The following VRK2 variants were observed in gnomAD, a reference collection of about 807,000 sequenced individuals.
The protein encoded by VRK2 is serine/threonine-protein kinase VRK2.
In VRK2, 60 loss-of-function variants were observed where a neutral mutation model predicts 57.6. The observed-to-expected ratio is 1.04, with a 90% CI of 0.85 to 1.29. VRK2 has a LOEUF of 1.29. Ranked by LOEUF, VRK2 falls within the 50% of genes most tolerant of loss-of-function variation. The pLI, the probability that VRK2 is intolerant of heterozygous loss-of-function variation, is 0.00. For missense variants in VRK2, 705 were observed against 588.1 expected (o/e 1.20, Z -2.06); for synonymous variants, 231 against 199.2 (o/e 1.16, Z -1.35).
At chr2:57,931,594 T>G (rs1006671592) in intron 1 of VRK2, among the ~76,000 whole-genome samples, 1 of 152,196 alleles carries the variant, frequency 6.6e-6, no homozygotes, top group Non-Finnish European at 1.5e-5. Flanking sequence ...TGACTGTTAT[T>G]TTGCTGTGCA....
intron 7 of VRK2, among the ~76,000 whole-genome samples, chr2:58,111,541 C>T (rs1180969382): frequency 6.6e-6 from 1 of 152,102 alleles, no homozygotes; most frequent in African/African-American, 2.4e-5. Flanking sequence ...TGCTTGAGCC[C>T]AGGAGTTCAA....
At chr2:58,045,146 T>C (rs1218021133), upstream of VRK2, among the ~76,000 whole-genome samples, 1 of 152,236 alleles carries the variant, frequency 6.6e-6, no homozygotes, top group African/African-American at 2.4e-5. Flanking sequence ...TTAAGGATCA[T>C]GTGGCTGCTT....
At chr2:58,101,641 A>T (rs1673983148) in intron 7 of VRK2, among the ~76,000 whole-genome samples, 1 of 151,590 alleles carries the variant, frequency 6.6e-6, no homozygotes, top group Admixed American at 6.6e-5. Flanking sequence ...CTATAAATCC[A>T]GCAGCCTAGA....
intron 3 of VRK2, among the ~76,000 whole-genome samples, chr2:58,035,867 A>T (rs1319893057): frequency 6.6e-6 from 1 of 152,052 alleles, no homozygotes; most frequent in Non-Finnish European, 1.5e-5. Context: ...ATTTGGGTAT[A>T]AAATGAGATT....
At chr2:58,109,239 G>A (rs1675203762) in intron 7 of VRK2, among the ~76,000 whole-genome samples, 1 of 152,086 alleles carries the variant, frequency 6.6e-6, no homozygotes, top group Non-Finnish European at 1.5e-5. Flanking sequence ...ATACAAAAAT[G>A]TATATATGAC....
intron 2 of VRK2, among the ~76,000 whole-genome samples, chr2:58,063,512 A>G (rs929401760): frequency 3.3e-5 from 5 of 152,048 alleles, no homozygotes; most frequent in African/African-American, 1.2e-4. Flanking sequence ...TTGCATGAAT[A>G]ATAGAGTTTA....
At position 57,918,780 on chromosome 2, in the gene VRK2, T is replaced by C. The variant is rs955706376; in HGVS notation, c.-439+10941T>C. 3.3e-5 allele frequency among the ~76,000 whole-genome samples: 5 copies of C among 152,140 alleles called. No individual in the cohort carries two copies. In the East Asian group the frequency reaches 5.8e-4, roughly 18 times the overall value. ...GAGTTAAGTAATCCAAAGGCATCTATTGAACTTTATAATCATGCTCTGAAA... is the reference window on the plus strand; with the variant it reads ...GAGTTAAGTAATCCAAAGGCATCTACTGAACTTTATAATCATGCTCTGAAA... On this transcript the variant is annotated intron_variant, in intron 1 of 15. Coordinates refer to the VRK2 transcript ENST00000417641.
At chr2:58,069,216 C>T (rs768013100) in intron 2 of VRK2, among the ~76,000 whole-genome samples, 15 of 152,094 alleles carry the variant, frequency 9.9e-5, no homozygotes, top group Non-Finnish European at 1.8e-4. Context: ...TTTAACAGGT[C>T]TGTGTTTGGG....
At chr2:58,007,419 C>G (rs1233667260) in intron 1 of VRK2, among the ~76,000 whole-genome samples, 2 of 151,856 alleles carry the variant, frequency 1.3e-5, no homozygotes, top group Non-Finnish European at 2.9e-5. Flanking sequence ...CCTCTTCCAG[C>G]CCGAGACAGC....
chr2:58,028,500 T>C (rs2103689589), intron 2 of VRK2: 1 of 152,262 alleles, frequency 6.6e-6, no homozygotes. Context: ...CTGGGTCAAA[T>C]GGTATTTCTA....
intron 2 of VRK2, among the ~76,000 whole-genome samples, chr2:58,059,754 T>C (rs1677057487): frequency 6.6e-6 from 1 of 151,782 alleles, no homozygotes; most frequent in African/African-American, 2.4e-5. Context: ...TGGTAAACCT[T>C]TGGGTGTTTA....
intron 1 of VRK2, among the ~76,000 whole-genome samples, chr2:57,952,777 A>G (rs72808473): frequency 0.12 from 18,187 of 151,440 alleles, 1,155 homozygotes; most frequent in East Asian, 0.19. Context: ...GAGGGATGTC[A>G]AATATTGCAT....
intron 1 of VRK2, among the ~76,000 whole-genome samples, chr2:57,980,940 T>C (rs1417748961): frequency 6.6e-6 from 1 of 152,176 alleles, no homozygotes; most frequent in Non-Finnish European, 1.5e-5. Context: ...ATATGAGACA[T>C]GACTCTTGAA....
intron 1 of VRK2, among the ~76,000 whole-genome samples, chr2:57,983,856 A>G (rs1013777099): frequency 6.6e-6 from 1 of 152,230 alleles, no homozygotes; most frequent in Non-Finnish European, 1.5e-5. Flanking sequence ...TAATTGTTTG[A>G]TCTTTTTTCT....
intron 7 of VRK2, among the ~76,000 whole-genome samples, chr2:58,118,884 T>C (rs111258777): frequency 0.076 from 11,590 of 152,000 alleles, 529 homozygotes; most frequent in Middle Eastern, 0.12. Flanking sequence ...TGTTCTCTGG[T>C]GGGCAGGGGC....
chr2:57,990,636 T>C (rs756643897), intron 1 of VRK2, among the ~76,000 whole-genome samples: 6 of 152,180 alleles, frequency 3.9e-5, no homozygotes, highest in Admixed American at 2.6e-4. Flanking sequence ...CTCACACATA[T>C]GGAAGCAATC....
At chr2:58,090,780 C>T (rs1672269464) in intron 7 of VRK2, among the ~76,000 whole-genome samples, 1 of 152,164 alleles carries the variant, frequency 6.6e-6, no homozygotes, top group South Asian at 2.1e-4. Flanking sequence ...TCGGTTTATT[C>T]ATACTCGTCA....
At chr2:57,915,020 A>T (rs1670103426) in intron 1 of VRK2, among the ~76,000 whole-genome samples, 2 of 152,178 alleles carry the variant, frequency 1.3e-5, no homozygotes, top group South Asian at 4.1e-4. Flanking sequence ...ACAAGTTTAC[A>T]GAACTATTTA....
intron 11 of VRK2, 146 bp from the exon 12 acceptor site, chr2:58,146,170 T>C: frequency 1.5e-6 from 1 of 652,206 alleles, no homozygotes; most frequent in Non-Finnish European, 2.4e-6. Context: ...ATAGTTTTTC[T>C]GTAATGTCCA....
Sources: gnomAD v4.1 joint callset for allele counts (sites outside exome capture counted in the v4.1 genomes callset) on GRCh38, gnomAD v4.1.1 for gene constraint, MANE v1.5 for transcripts, NCBI Gene and HGNC (gene_info 2026-07-23, HGNC 2026-07-21) for gene names.